Variants in CASK observed in about 807,000 individuals in gnomAD.
CASK encodes the protein calcium/calmodulin dependent serine protein kinase.
CASK carries 4 observed loss-of-function variants against 82.9 expected under a neutral mutation model. The observed-to-expected ratio is 0.05, with a 90% CI of 0.02 to 0.11. The LOEUF is 0.11. Among genes scored for constraint, CASK ranks in the 10% least tolerant of loss-of-function variants. The pLI, the probability that CASK is intolerant of heterozygous loss-of-function variation, is 1.00. For missense variants in CASK, 358 were observed against 720.9 expected, an observed-to-expected ratio of 0.50 and a Z score of 5.76; for synonymous variants, 259 against 253.5, an observed-to-expected ratio of 1.02 and a Z score of -0.20.
At chrX:41,810,657 T>C (rs1048132888) in intron 2 of CASK, among the ~76,000 whole-genome samples, 3 of 111,581 alleles carry the variant, frequency 2.7e-5, no homozygotes, top group African/African-American at 9.8e-5. Context: ...CCATCGATGC[T>C]AGGAAGAAAT....
chrX:41,690,470 C>T (rs1235108484), intron 5 of CASK, among the ~76,000 whole-genome samples: 1 of 109,196 alleles, frequency 9.2e-6, no homozygotes, highest in East Asian at 2.8e-4. Flanking sequence ...CCTCAGCCTC[C>T]GGAGTAGCTG....
At chrX:41,715,950 A>G (rs2068055446) in intron 5 of CASK, among the ~76,000 whole-genome samples, 1 of 112,110 alleles carries the variant, frequency 8.9e-6, no homozygotes, top group African/African-American at 3.2e-5. Context: ...GGGTTTTGAC[A>G]GGAGTAGACA....
intron 25 of CASK, among the ~76,000 whole-genome samples, chrX:41,530,275 A>G (rs1256389719): frequency 9.0e-6 from 1 of 111,688 alleles, no homozygotes; most frequent in Admixed American, 9.5e-5. Context: ...GAGATGAAAA[A>G]ACAGCTTGTC....
chrX:41,640,879 A>AT (rs1343865398), intron 8 of CASK, among the ~76,000 whole-genome samples: 1 of 109,361 alleles, frequency 9.1e-6, no homozygotes, highest in Non-Finnish European at 1.9e-5. Flanking sequence ...GTCAAAATGT[A>AT]TTTTTTTAAA....
chrX:41,606,786 G>A (rs757902165), intron 12 of CASK, among the ~76,000 whole-genome samples: 1 of 109,102 alleles, frequency 9.2e-6, no homozygotes, highest in African/African-American at 3.4e-5. Context: ...TTGAATTCCT[G>A]GGCTCAGGTG....
intron 1 of CASK, among the ~76,000 whole-genome samples, chrX:41,874,952 T>C (rs1195341): frequency 0.19 from 21,548 of 111,972 alleles, 1,635 homozygotes; most frequent in Middle Eastern, 0.29. Context: ...CAATCACGAA[T>C]GGTAACAGAT....
chrX:41,589,875 C>T, intron 12 of CASK: 1 of 304,120 alleles, frequency 3.3e-6, no homozygotes, highest in Middle Eastern at 1.0e-3. Context: ...TTTCCTCAAT[C>T]ACAGTGTTTG....
intron 11 of CASK, among the ~76,000 whole-genome samples, chrX:41,613,043 T>C (rs768142475): frequency 2.9e-5 from 3 of 104,936 alleles, no homozygotes; most frequent in Admixed American, 2.0e-4. Flanking sequence ...AGCTGCCCCG[T>C]CTGGGAGGTG....
intron 21 of CASK, among the ~76,000 whole-genome samples, chrX:41,546,566 T>C (rs2065025885): frequency 9.1e-6 from 1 of 110,181 alleles, no homozygotes. Flanking sequence ...CTTTCAGGAT[T>C]GACATATTCT....
intron 4 of CASK, among the ~76,000 whole-genome samples, chrX:41,744,157 G>C (rs1256926244): frequency 9.2e-6 from 1 of 109,183 alleles, no homozygotes; most frequent in Non-Finnish European, 1.9e-5. Flanking sequence ...ATATGTTTGT[G>C]AGTTTGAACC....
At chrX:41,672,798 A>C (rs2067213944) in intron 5 of CASK, among the ~76,000 whole-genome samples, 1 of 112,433 alleles carries the variant, frequency 8.9e-6, no homozygotes, top group African/African-American at 3.2e-5. Flanking sequence ...AGAAAGAAGG[A>C]AGGCAAGTGT....
chrX:41,575,847 G>A lies in CASK; in HGVS notation c.1503+2493C>T, dbSNP rs184067549. ...AATATACATCTTCACTAGGATCATC[G>A]AAGACAGAAAAGCTTTTGGAAGGAG... On this transcript the variant is annotated intron_variant, in intron 15 of 26. Coordinates refer to ENST00000378163, the MANE Select transcript of CASK (RefSeq NM_001367721.1). Among the ~76,000 whole-genome samples the A allele has an allele frequency of 8.2e-3, 911 of 111,508 alleles. 7 individuals are homozygous for A. The highest frequency in any genetic ancestry group is 0.028 in the African/African-American group (875 of 30,713).
At chrX:41,800,920 G>A (rs1162386309) in intron 2 of CASK, among the ~76,000 whole-genome samples, 1 of 111,850 alleles carries the variant, frequency 8.9e-6, no homozygotes, top group Non-Finnish European at 1.9e-5. Context: ...AACACCAATA[G>A]AGGTAGCAGA....
intron 8 of CASK, among the ~76,000 whole-genome samples, chrX:41,644,037 G>A (rs1164447319): frequency 8.9e-6 from 1 of 111,936 alleles, no homozygotes; most frequent in East Asian, 2.8e-4. Flanking sequence ...GTAATCATGT[G>A]GTTTTTGTTG....
intron 2 of CASK, among the ~76,000 whole-genome samples, chrX:41,843,100 T>C (rs1363884655): frequency 1.2e-4 from 13 of 111,897 alleles, no homozygotes; most frequent in Admixed American, 1.1e-3. Flanking sequence ...CATGATAATG[T>C]TATATGCCAA....
At chrX:41,685,628 T>C (rs2067428247) in intron 5 of CASK, among the ~76,000 whole-genome samples, 1 of 111,176 alleles carries the variant, frequency 9.0e-6, no homozygotes, top group Non-Finnish European at 1.9e-5. Flanking sequence ...ACTACAGGTA[T>C]GTGCCACCAC....
intron 18 of CASK, 190 bp downstream of exon 18, chrX:41,559,589 T>C: frequency 2.1e-6 from 1 of 478,162 alleles, no homozygotes; most frequent in Non-Finnish European, 3.8e-6. Flanking sequence ...GCTGAGGAGA[T>C]CCACATGGAA....
intron 5 of CASK, among the ~76,000 whole-genome samples, chrX:41,688,543 T>C (rs1408907147): frequency 9.0e-6 from 1 of 111,595 alleles, no homozygotes; most frequent in Non-Finnish European, 1.9e-5. Context: ...CTAGTCCTAA[T>C]AATACAAGTT....
intron 1 of CASK, among the ~76,000 whole-genome samples, chrX:41,901,206 G>C (rs1198996407): frequency 8.9e-6 from 1 of 112,029 alleles, no homozygotes; most frequent in Non-Finnish European, 1.9e-5. Context: ...CACTTGGCTG[G>C]GCATGGTGGT....
Sources: allele counts gnomAD v4.1 joint callset (sites outside exome capture counted in the v4.1 genomes callset), GRCh38; gene constraint gnomAD v4.1.1; transcripts MANE v1.5; gene names NCBI Gene and HGNC (gene_info 2026-07-23, HGNC 2026-07-21).